The following SIRT5 variants were observed in gnomAD, a reference collection of about 807,000 sequenced individuals.
SIRT5 encodes the protein sirtuin 5, also known as NAD-dependent protein deacylase sirtuin-5, mitochondrial.
Under a neutral mutation model 40.0 loss-of-function variants are expected in SIRT5, and 26 were observed. That is an observed-to-expected ratio of 0.65 (90% CI 0.48 to 0.90). SIRT5 has a LOEUF of 0.90. SIRT5 is among the 40% of genes least tolerant of loss of function. The pLI, the probability that SIRT5 is intolerant of heterozygous loss-of-function variation, is 0.00. For synonymous variants in SIRT5, 146 were observed against 149.1 expected (o/e 0.98, Z 0.15); for missense variants, 401 against 402.4 (o/e 1.00, Z 0.03).
chr6:13,597,433 T>TAA (rs60503838), intron 7 of SIRT5, among the ~76,000 whole-genome samples: 165 of 102,386 alleles, frequency 1.6e-3, no homozygotes, highest in African/African-American at 5.2e-3. Flanking sequence ...GTTCATAGAT[T>TAA]AAAAAAAAAA....
chr6:13,600,725 T>G (rs1584830697), intron 8 of SIRT5, 109 bp from the exon 9 acceptor site: 2 of 806,686 alleles, frequency 2.5e-6, no homozygotes, highest in Non-Finnish European at 3.9e-6. Context: ...TTGGCTTTTC[T>G]CACACCTGCA....
At chr6:13,594,936 G>C (rs187222076) in intron 5 of SIRT5, among the ~76,000 whole-genome samples, 2 of 152,252 alleles carry the variant, frequency 1.3e-5, no homozygotes, top group Non-Finnish European at 2.9e-5. Context: ...TTCTGAAATC[G>C]AAGTTAAAAT....
intron 7 of SIRT5, among the ~76,000 whole-genome samples, chr6:13,598,773 C>T (rs1040820011): frequency 1.4e-5 from 2 of 139,220 alleles, no homozygotes; most frequent in East Asian, 2.2e-4. Context: ...TTGCAGTGAG[C>T]GGAGACCATG....
upstream of SIRT5, chr6:13,574,449 C>T (rs980175700): frequency 6.6e-6 from 1 of 152,156 alleles, no homozygotes; most frequent in South Asian, 2.1e-4. Context: ...GGAGGTGGCA[C>T]CGGTCCGCGG....
At chr6:13,605,242 A>C in intron 9 of SIRT5, 1 of 910,578 alleles carries the variant, frequency 1.1e-6, no homozygotes, top group Non-Finnish European at 1.3e-6. Context: ...GTTTCATTGG[A>C]ACACAGCTGT....
chr6:13,590,587 ATATGTGTAGT>A (rs1204112466), intron 4 of SIRT5, among the ~76,000 whole-genome samples: 5 of 151,600 alleles, frequency 3.3e-5, no homozygotes, highest in African/African-American at 1.2e-4. Flanking sequence ...GTATTAACAG[ATATGTGTAGT>A]TATGTGTATG....
chr6:13,590,532 G>A (rs1760721856), intron 4 of SIRT5, among the ~76,000 whole-genome samples: 1 of 148,568 alleles, frequency 6.7e-6, no homozygotes, highest in Non-Finnish European at 1.5e-5. Context: ...TTTGTGTGTA[G>A]GTGTGTGTAT....
intron 2 of SIRT5, among the ~76,000 whole-genome samples, chr6:13,582,611 CAA>C (rs756756300): frequency 3.4e-4 from 41 of 122,020 alleles, no homozygotes; most frequent in Non-Finnish European, 3.9e-4. Context: ...TGCCTCCCAC[CAA>C]AAAAAAAAAA....
At chr6:13,604,942 A>C in intron 9 of SIRT5, 1 of 993,306 alleles carries the variant, frequency 1.0e-6, no homozygotes, top group Non-Finnish European at 1.2e-6. Flanking sequence ...CTGTCATCTC[A>C]TCAATGAAGG....
At position 13,603,312 on chromosome 6, in the gene SIRT5, C is replaced by T. The variant is rs1022117553; in HGVS notation, c.857+2363C>T. Among the ~76,000 whole-genome samples the T allele has an allele frequency of 5.4e-5, 8 of 149,452 alleles. No individual in the cohort carries two copies. The East Asian group carries it at 7.8e-4, about 15-fold the overall frequency. On this transcript the variant is annotated intron_variant, in intron 9 of 9. Coordinates refer to ENST00000606117, the MANE Select transcript of SIRT5 (RefSeq NM_012241.5). The stretch of plus-strand genomic sequence containing the variant: ...AAAAAAAAAAGACAACCCATAGAAT[C>T]GGAGAAAATATTTGTAAGTCTAATA...
Position 13,611,826 on chromosome 6 carries a change from T to A in SIRT5, c.894T>A (p.Pro298=). Residue 298 remains proline (P), a synonymous_variant, in exon 10 of 10, where the codon CCT becomes CCA. Coordinates refer to ENST00000606117, the MANE Select transcript of SIRT5 (RefSeq NM_012241.5). ...AGGGACCCTGTGGAACGACTCTTCC[T>A]GAAGCCCTTGCCTGTCATGAAAATG... The part of the protein sequence containing the change: ...HFQGPCGTTL[P]EALACHENET... 1 of 1,614,068 alleles carries A rather than the reference T, an allele frequency of 6.2e-7. No individual in the cohort carries two copies. The highest frequency in any genetic ancestry group is 8.5e-7 in the Non-Finnish European group (1 of 1,179,916).
At chr6:13,588,281 A>G (rs1425701272) in intron 3 of SIRT5, 50 bp from the exon 4 acceptor site, 3 of 1,583,144 alleles carry the variant, frequency 1.9e-6, no homozygotes, top group Middle Eastern at 3.7e-4. Context: ...GATATGGGAT[A>G]CAAATGTCCA....
intron 1 of SIRT5, among the ~76,000 whole-genome samples, chr6:13,575,878 C>T (rs185567900): frequency 2.1e-4 from 32 of 152,252 alleles, no homozygotes; most frequent in African/African-American, 7.5e-4. Context: ...TTTTTTAGAC[C>T]CCAAGTATAT....
At chr6:13,601,322 C>T (rs538867168) in intron 9 of SIRT5, among the ~76,000 whole-genome samples, 9 of 152,288 alleles carry the variant, frequency 5.9e-5, no homozygotes, top group South Asian at 2.1e-4. Context: ...CATCACCTGC[C>T]GTTCTTACTG....
At chr6:13,597,112 C>T (rs531220295) in intron 7 of SIRT5, 96 bp downstream of exon 7, 9 of 941,180 alleles carry the variant, frequency 9.6e-6, no homozygotes, top group Middle Eastern at 2.2e-4. Context: ...GGCAAGACGC[C>T]TCTTAAATCA....
At chr6:13,587,056 C>T (rs1760173675) in intron 3 of SIRT5, among the ~76,000 whole-genome samples, 1 of 152,110 alleles carries the variant, frequency 6.6e-6, no homozygotes. Flanking sequence ...AGAGGAAGGC[C>T]AGGGAGCCTG....
At chr6:13,580,927 C>G (rs544985617) in intron 2 of SIRT5, among the ~76,000 whole-genome samples, 50 of 152,328 alleles carry the variant, frequency 3.3e-4, no homozygotes, top group African/African-American at 1.0e-3. Context: ...TCCCAAAGTC[C>G]TGGGATTACA....
Position 13,614,071 on chromosome 6 carries a change from GAA to G in SIRT5, c.*2209_*2210del, listed in dbSNP as rs1233434048. On this transcript the variant is annotated 3_prime_UTR_variant, in exon 10 of 10. Transcript: ENST00000606117. ...GAATTGCTTCTAAAACAGAAGACAT[GAA>G]AAGAGAATTAAAAATACAATATATG... The G allele has an allele frequency of 2.0e-5, 3 of 152,084 alleles. No homozygotes were observed. The highest frequency in any genetic ancestry group is 2.9e-5 in the Non-Finnish European group (2 of 68,038). 9.4% of individuals were successfully genotyped at this position (152,084 alleles called of 1,614,324 possible). A position where few individuals can be genotyped will look rare whatever the true frequency, so the allele number is the denominator to read the frequency against.
rs1159683007 is a variant in SIRT5, at chr6:13,596,835, G to A, written c.564-128G>A. 2.2e-5 allele frequency: 15 copies of A among 686,136 alleles called. No homozygotes were observed. The East Asian group carries it at 3.4e-4, about 16-fold the overall frequency. 42.5% of individuals were successfully genotyped at this position (686,136 alleles called of 1,614,324 possible). The stretch of plus-strand genomic sequence containing the variant: ...GTCCTTCCTTCTAATGCCCTTCCAA[G>A]TGAGCATGTATTAATTAGGAGTTTT... On this transcript the variant is annotated intron_variant, in intron 6 of 9. Transcript: ENST00000606117.
Sources: allele counts gnomAD v4.1 joint callset (sites outside exome capture counted in the v4.1 genomes callset), GRCh38; gene constraint gnomAD v4.1.1; transcripts MANE v1.5; gene names NCBI Gene and HGNC (gene_info 2026-07-23, HGNC 2026-07-21).